LIN28B: variants seen among roughly 807,000 people sequenced by gnomAD.
LIN28B encodes the protein protein lin-28 homolog B.
A neutral mutation model predicts 21.9 loss-of-function variants in LIN28B; 5 were observed. The observed-to-expected ratio is 0.23, with a 90% CI of 0.12 to 0.48. The LOEUF is 0.48. Ranked by LOEUF, LIN28B falls within the 20% of genes least tolerant of loss-of-function variation. The pLI, the probability that LIN28B is intolerant of heterozygous loss-of-function variation, is 0.98. For missense variants in LIN28B, 245 were observed against 310.5 expected (o/e 0.79, Z 1.58); for synonymous variants, 109 against 111.3 (o/e 0.98, Z 0.13).
chr6:105,025,909 C>CTA (rs1053553746), intron 2 of LIN28B, among the ~76,000 whole-genome samples: 7 of 151,660 alleles, frequency 4.6e-5, no homozygotes, highest in African/African-American at 1.5e-4. Context: ...TTATATGGTG[C>CTA]TATTATATTA....
chr6:104,949,846 AAAT>A (rs1778199813), intron 2 of LIN28B, among the ~76,000 whole-genome samples: 1 of 152,208 alleles, frequency 6.6e-6, no homozygotes. Flanking sequence ...CATATTTAAA[AAAT>A]GAGAACTGTT....
At chr6:104,967,057 C>G (rs915535860) in intron 2 of LIN28B, among the ~76,000 whole-genome samples, 8 of 152,094 alleles carry the variant, frequency 5.3e-5, no homozygotes, top group African/African-American at 1.9e-4. Flanking sequence ...CGTGAATCAC[C>G]ATGCCTGGCC....
At chr6:104,948,704 T>C (rs1387325306) in intron 2 of LIN28B, among the ~76,000 whole-genome samples, 1 of 152,218 alleles carries the variant, frequency 6.6e-6, no homozygotes, top group Non-Finnish European at 1.5e-5. Flanking sequence ...AATATCTACA[T>C]TTAAACAATG....
At position 105,012,237 on chromosome 6, in the gene LIN28B, G is replaced by A. The variant is rs149970619; in HGVS notation, c.199-14061G>A. On this transcript the variant is annotated intron_variant, in intron 2 of 3. Coordinates refer to ENST00000345080, the MANE Select transcript of LIN28B (RefSeq NM_001004317.4). ...AATCCCAGCACTTTGGGAGGCTGAGGCAGGTGGATCACCTGAGGTCAGGAG... is the reference window on the plus strand; with the variant it reads ...AATCCCAGCACTTTGGGAGGCTGAGACAGGTGGATCACCTGAGGTCAGGAG... Among the ~76,000 whole-genome samples the A allele has an allele frequency of 4.1e-3, 621 of 151,914 alleles. 2 individuals are homozygous for A. The highest frequency in any genetic ancestry group is 0.015 in the African/African-American group (611 of 41,434).
chr6:104,964,044 C>G (rs539420753), intron 2 of LIN28B, among the ~76,000 whole-genome samples: 1 of 152,264 alleles, frequency 6.6e-6, no homozygotes, highest in East Asian at 1.9e-4. Flanking sequence ...ATTTTTGTCG[C>G]TTTCAGGCAG....
chr6:105,019,555 A>G (rs539167679), intron 2 of LIN28B, among the ~76,000 whole-genome samples: 1 of 152,274 alleles, frequency 6.6e-6, no homozygotes, highest in South Asian at 2.1e-4. Context: ...TCCTTACACA[A>G]ACCTTTCATT....
At chr6:105,026,619 A>G (rs1771292454) in intron 3 of LIN28B, 137 bp downstream of exon 3, 1 of 585,286 alleles carries the variant, frequency 1.7e-6, no homozygotes, top group East Asian at 2.9e-5. Flanking sequence ...AATATCAGAA[A>G]TATAGGCTAT....
At chr6:104,967,576 C>CAAAAAAAAAAAAAAAA (rs71003462) in intron 2 of LIN28B, among the ~76,000 whole-genome samples, 1 of 60,736 alleles carries the variant, frequency 1.6e-5, no homozygotes, top group Non-Finnish European at 2.9e-5. Flanking sequence ...AACTCCCTCT[C>CAAAAAAAAAAAAAAAA]AAAAAAAAAA....
intron 3 of LIN28B, among the ~76,000 whole-genome samples, chr6:105,041,391 C>G (rs1375377172): frequency 6.6e-6 from 1 of 151,048 alleles, no homozygotes; most frequent in Non-Finnish European, 1.5e-5. Flanking sequence ...TTATATTTTT[C>G]TTTCTATTTT....
intron 3 of LIN28B, among the ~76,000 whole-genome samples, chr6:105,076,497 T>C (rs1024865328): frequency 6.6e-6 from 1 of 152,222 alleles, no homozygotes; most frequent in African/African-American, 2.4e-5. Flanking sequence ...CTATGAAATA[T>C]AAGGTAGAAT....
At chr6:104,993,052 G>T (rs1020089196) in intron 2 of LIN28B, among the ~76,000 whole-genome samples, 3 of 151,774 alleles carry the variant, frequency 2.0e-5, no homozygotes, top group African/African-American at 7.3e-5. Context: ...TTTTGTTTCA[G>T]AATTATTTTC....
At chr6:104,954,446 G>C (rs1431606708), upstream of LIN28B, among the ~76,000 whole-genome samples, 1 of 152,124 alleles carries the variant, frequency 6.6e-6, no homozygotes, top group East Asian at 1.9e-4. Flanking sequence ...GTTTCTCAAT[G>C]TGTCTCCTTC....
chr6:105,020,722 A>C lies in LIN28B; in HGVS notation c.199-5576A>C, dbSNP rs1274174024. Among the ~76,000 whole-genome samples the C allele has an allele frequency of 3.5e-5, 5 of 142,622 alleles. No individual in the cohort carries two copies. The South Asian group carries it at 9.2e-4, about 26-fold the overall frequency. 93.6% of individuals were successfully genotyped at this position (142,622 alleles called of 152,430 possible). A position where few individuals can be genotyped will look rare whatever the true frequency, so the allele number is the denominator to read the frequency against. On this transcript the variant is annotated intron_variant, in intron 2 of 3. Transcript: ENST00000345080. ...TCCCTCCCAACCCCTCACCCTTCTGAGTCTCTATTGTCTATCATTCCACTC... is the reference window on the plus strand; with the variant it reads ...TCCCTCCCAACCCCTCACCCTTCTGCGTCTCTATTGTCTATCATTCCACTC...
intron 2 of LIN28B, among the ~76,000 whole-genome samples, chr6:105,025,033 A>G (rs1314985575): frequency 6.6e-6 from 1 of 151,712 alleles, no homozygotes; most frequent in Non-Finnish European, 1.5e-5. Context: ...AACAACATAC[A>G]GTGTTTTACA....
intron 2 of LIN28B, among the ~76,000 whole-genome samples, chr6:105,000,258 A>G (rs1430563483): frequency 6.6e-6 from 1 of 152,120 alleles, no homozygotes; most frequent in African/African-American, 2.4e-5. Flanking sequence ...AAACAGTTAT[A>G]TCTCCATCTC....
intron 3 of LIN28B, chr6:104,950,522 T>C: frequency 8.2e-7 from 1 of 1,219,618 alleles, no homozygotes; most frequent in South Asian, 4.2e-5. Context: ...TAGTCTTTTT[T>C]TTTTTTTTTA....
At chr6:104,974,350 G>T (rs1265234083) in intron 2 of LIN28B, among the ~76,000 whole-genome samples, 1 of 151,888 alleles carries the variant, frequency 6.6e-6, no homozygotes. Flanking sequence ...TTAGCTGGGT[G>T]TGGTGGCATG....
chr6:105,052,172 G>C (rs1280509518), intron 3 of LIN28B, among the ~76,000 whole-genome samples: 1 of 152,204 alleles, frequency 6.6e-6, no homozygotes, highest in Non-Finnish European at 1.5e-5. Context: ...CAGCCAGTAT[G>C]ACTGAGTGAA....
At chr6:105,039,075 G>A (rs977000985) in intron 3 of LIN28B, among the ~76,000 whole-genome samples, 1 of 152,150 alleles carries the variant, frequency 6.6e-6, no homozygotes, top group Non-Finnish European at 1.5e-5. Context: ...GGGCCCACTG[G>A]TGGCTTTGAG....
Sources: gnomAD v4.1 joint callset for allele counts (sites outside exome capture counted in the v4.1 genomes callset) on GRCh38, gnomAD v4.1.1 for gene constraint, MANE v1.5 for transcripts, NCBI Gene and HGNC (gene_info 2026-07-23, HGNC 2026-07-21) for gene names.